The following NXPE1 variants were observed in gnomAD, a reference collection of about 807,000 sequenced individuals.
The protein encoded by NXPE1 is neurexophilin and PC-esterase domain family member 1.
A neutral mutation model predicts 33.3 loss-of-function variants in NXPE1; 31 were observed. The ratio of observed to expected loss-of-function variants is 0.93; its 90% CI spans 0.70 to 1.26. The LOEUF (loss-of-function observed/expected upper bound fraction) is 1.26, where lower values mean the gene tolerates loss of function less well. Ranked by LOEUF, NXPE1 falls within the 50% of genes most tolerant of loss-of-function variation. NXPE1 has a pLI of 0.00. For synonymous variants in NXPE1, 229 were observed against 231.4 expected, an observed-to-expected ratio of 0.99 and a Z score of 0.09; for missense variants, 661 against 655.6, an observed-to-expected ratio of 1.01 and a Z score of -0.09.
chr11:114,551,109 G>A lies in NXPE1; in HGVS notation c.93C>T (p.Phe31=), dbSNP rs555879330. ...AAAGGTGATTTGCTCCTACCTTTGTGAAGTTCTGAGAAATTATAAAAATCA... is the reference window on the plus strand; with the variant it reads ...AAAGGTGATTTGCTCCTACCTTTGTAAAGTTCTGAGAAATTATAAAAATCA... The change falls in exon 5 of 9, where the codon TTC becomes TTT. Residue 31 remains phenylalanine (F), a synonymous_variant. Transcript: ENST00000534921. 14 of 1,505,966 alleles carry A rather than the reference G, an allele frequency of 9.3e-6. No homozygotes were observed. The East Asian group carries it at 3.4e-4, about 37-fold the overall frequency. The allele number at this position is 1,505,966 out of a possible 1,614,324, so 93.3% of individuals were successfully genotyped here. A position where few individuals can be genotyped will look rare whatever the true frequency, so the allele number is the denominator to read the frequency against.
chr11:114,541,449 A>G (rs1289853498), intron 5 of NXPE1, among the ~76,000 whole-genome samples: 2 of 152,228 alleles, frequency 1.3e-5, no homozygotes, highest in Non-Finnish European at 2.9e-5. Context: ...AATGTCGATG[A>G]AAAGAGTCAA....
intron 6 of NXPE1, chr11:114,528,711 A>G: frequency 1.9e-6 from 1 of 523,030 alleles, no homozygotes; most frequent in Non-Finnish European, 3.6e-6. Context: ...ACCTCTGTAT[A>G]TGGCCATGAA....
chr11:114,527,744 C>T, intron 7 of NXPE1, 96 bp downstream of exon 7: 2 of 736,456 alleles, frequency 2.7e-6, no homozygotes, highest in South Asian at 2.4e-5. Context: ...TAGACATCTG[C>T]TAGGAATTGT....
intron 1 of NXPE1, chr11:114,554,442 C>G: frequency 1.1e-6 from 1 of 918,362 alleles, no homozygotes; most frequent in South Asian, 5.0e-5. Context: ...GACATGGGCC[C>G]TTTGATAATC....
Position 114,523,259 on chromosome 11 carries a change from C to T in NXPE1, c.896-168G>A, listed in dbSNP as rs538745862. Among the ~76,000 whole-genome samples the T allele has an allele frequency of 1.6e-3, 237 of 152,252 alleles. 2 individuals are homozygous for T. Among genetic ancestry groups the T allele is most frequent in the Non-Finnish European group, 2.7e-3 (185 of 68,010 alleles). On this transcript the variant is annotated intron_variant, in intron 7 of 8. Coordinates refer to ENST00000534921, the Ensembl canonical transcript of NXPE1. ...TTGATCATTAGCTTTGCTTCAGGCA[C>T]TTCTGCTTATTCCTTTAAGAGATTT...
chr11:114,552,421 G>A lies in NXPE1; in HGVS notation c.-181-336C>T, dbSNP rs74714230. On this transcript the variant is annotated intron_variant, in intron 2 of 8. Coordinates refer to ENST00000534921, the Ensembl canonical transcript of NXPE1. ...CTGAAGAATTGGAATAATGTCTATC[G>A]CAGCATTCCATGTCCAGTGTCTAGC... is the stretch of plus-strand genomic sequence containing the variant. Among the ~76,000 whole-genome samples, 47 of 151,856 alleles carry A rather than the reference G, an allele frequency of 3.1e-4. No individual in the cohort carries two copies. The South Asian group carries it at 3.3e-3, about 11-fold the overall frequency.
intron 7 of NXPE1, chr11:114,526,441 A>C (rs201584978): frequency 1.5e-5 from 1 of 64,954 alleles, no homozygotes; most frequent in Admixed American, 1.4e-4. Context: ...TGACATTTTA[A>C]ATTGCCTTTC....
intron 5 of NXPE1, among the ~76,000 whole-genome samples, chr11:114,543,556 G>A (rs928463758): frequency 2.6e-5 from 4 of 151,748 alleles, no homozygotes; most frequent in East Asian, 1.9e-4. Context: ...GGTTAACAAA[G>A]CCAAATCACT....
intron 5 of NXPE1, among the ~76,000 whole-genome samples, chr11:114,536,803 C>CA (rs1301192609): frequency 3.3e-5 from 5 of 152,016 alleles, no homozygotes; most frequent in South Asian, 4.1e-4. Flanking sequence ...GCTTACCAAC[C>CA]AAAAAAAGTC....
intron 5 of NXPE1, among the ~76,000 whole-genome samples, chr11:114,532,701 C>G (rs12275359): frequency 0.23 from 34,464 of 151,984 alleles, 5,497 homozygotes; most frequent in African/African-American, 0.44. Flanking sequence ...AATTCTCTGT[C>G]TCTTTCTCTC....
intron 6 of NXPE1, chr11:114,528,831 T>A (rs1565299244): frequency 1.3e-5 from 9 of 678,198 alleles, no homozygotes; most frequent in Non-Finnish European, 1.4e-5. Flanking sequence ...CCAGGTGCCA[T>A]CCTGAGAAGA....
chr11:114,542,285 C>A (rs981316076), intron 5 of NXPE1, among the ~76,000 whole-genome samples: 2 of 152,098 alleles, frequency 1.3e-5, no homozygotes, highest in East Asian at 3.9e-4. Flanking sequence ...TATAAGAAGA[C>A]AAACTGACCT....
chr11:114,527,766 A>G (rs969996868), intron 7 of NXPE1, 74 bp downstream of exon 7: 1 of 965,410 alleles, frequency 1.0e-6, no homozygotes, highest in East Asian at 2.6e-5. Flanking sequence ...CTCCAGGAGA[A>G]CTACAATTAT....
chr11:114,551,034 C>A, intron 5 of NXPE1, 69 bp downstream of exon 5: 1 of 807,506 alleles, frequency 1.2e-6, no homozygotes. Flanking sequence ...TGGAGTGGGA[C>A]TGACTTGAGG....
At chr11:114,523,050 G>A (rs1381329546) in exon 8 of NXPE1, 1 of 1,613,648 alleles carries the variant, frequency 6.2e-7, no homozygotes, top group Non-Finnish European at 8.5e-7. Flanking sequence ...GGGACAGGAG[G>A]CTTCATTCCA....
exon 8 of NXPE1, chr11:114,523,059 C>T: frequency 1.2e-6 from 2 of 1,613,586 alleles, no homozygotes; most frequent in East Asian, 4.5e-5. Context: ...GGCTTCATTC[C>T]AACTTGGCAT....
At position 114,531,314 on chromosome 11, in the gene NXPE1, A is replaced by T. The variant is rs1947574546; in HGVS notation, c.100-406T>A. Among the ~76,000 whole-genome samples the T allele has an allele frequency of 2.0e-5, 3 of 152,146 alleles. No homozygotes were observed. In the South Asian group the frequency reaches 6.2e-4, roughly 32 times the overall value. ...CTCTTTCTTTTCATATATGCCTTAC[A>T]TCCAGTAACATCTGTACCTTTTAGT... On this transcript the variant is annotated intron_variant, in intron 5 of 8. Coordinates refer to ENST00000534921, the Ensembl canonical transcript of NXPE1.
intron 5 of NXPE1, among the ~76,000 whole-genome samples, chr11:114,547,483 C>G (rs1428859862): frequency 6.6e-6 from 1 of 152,112 alleles, no homozygotes; most frequent in Non-Finnish European, 1.5e-5. Context: ...GCCTGTAATC[C>G]CAGCACTTTG....
In NXPE1 at chr11:114,544,764, T is replaced by C. The variant is rs564743137; in HGVS notation, c.99+6339A>G. On this transcript the variant is annotated intron_variant, in intron 5 of 8. Coordinates refer to ENST00000534921, the Ensembl canonical transcript of NXPE1. ...AAAGCTTCTGCCCTGTGAAAGACAC[T>C]GTTAAGAGGATGCAGAGATAAGCCA... Among the ~76,000 whole-genome samples, 139 of 152,256 alleles carry C rather than the reference T, an allele frequency of 9.1e-4. 1 individual carries two copies. Among genetic ancestry groups the C allele is most frequent in the Middle Eastern group, 6.8e-3 (2 of 294 alleles).
Sources: gnomAD v4.1 joint callset for allele counts (sites outside exome capture counted in the v4.1 genomes callset) on GRCh38, gnomAD v4.1.1 for gene constraint, MANE v1.5 for transcripts, NCBI Gene and HGNC (gene_info 2026-07-23, HGNC 2026-07-21) for gene names.